Variants in RBFOX1 observed in about 807,000 individuals in gnomAD.
RBFOX1 encodes RNA binding fox-1 homolog 1.
Under a neutral mutation model 57.7 loss-of-function variants are expected in RBFOX1, and 8 were observed. The ratio of observed to expected loss-of-function variants is 0.14; its 90% CI spans 0.08 to 0.25. RBFOX1 has a LOEUF of 0.25. Among genes scored for constraint, RBFOX1 ranks in the 10% least tolerant of loss-of-function variants. The pLI is 1.00. For missense variants in RBFOX1, 611 were observed against 548.5 expected (o/e 1.11, Z -1.14); for synonymous variants, 326 against 222.4 (o/e 1.47, Z -4.15).
At chr16:6,336,099 C>T (rs2083626614) in intron 2 of RBFOX1, among the ~76,000 whole-genome samples, 1 of 124,834 alleles carries the variant, frequency 8.0e-6, no homozygotes, top group Non-Finnish European at 1.6e-5. Flanking sequence ...TGGATACTTG[C>T]AAATAAGAAG....
At chr16:7,260,639 G>C (rs2153065628) in intron 4 of RBFOX1, among the ~76,000 whole-genome samples, 1 of 152,254 alleles carries the variant, frequency 6.6e-6, no homozygotes, top group African/African-American at 2.4e-5. Flanking sequence ...GGCACGTTTG[G>C]TGTTATATTC....
At chr16:5,348,661 T>C (rs1012034178) in intron 1 of RBFOX1, among the ~76,000 whole-genome samples, 1 of 152,184 alleles carries the variant, frequency 6.6e-6, no homozygotes, top group Non-Finnish European at 1.5e-5. Flanking sequence ...TTTATATAAA[T>C]AGTAGGCTCT....
intron 4 of RBFOX1, among the ~76,000 whole-genome samples, chr16:7,195,482 C>G (rs2086471576): frequency 6.6e-6 from 1 of 152,166 alleles, no homozygotes; most frequent in Non-Finnish European, 1.5e-5. Flanking sequence ...ACAACTGACC[C>G]AACAGCACAG....
chr16:5,470,786 C>T (rs1419443067), intron 2 of RBFOX1, among the ~76,000 whole-genome samples: 1 of 152,112 alleles, frequency 6.6e-6, no homozygotes, highest in African/African-American at 2.4e-5. Flanking sequence ...CCTCCCATTG[C>T]ATCTAGAGGC....
chr16:7,130,432 A>G (rs1214034000), intron 4 of RBFOX1, among the ~76,000 whole-genome samples: 1 of 152,202 alleles, frequency 6.6e-6, no homozygotes, highest in Non-Finnish European at 1.5e-5. Context: ...TACACTTAAC[A>G]CTTTTGTGAA....
intron 1 of RBFOX1, among the ~76,000 whole-genome samples, chr16:5,430,786 G>A (rs2067708976): frequency 6.6e-6 from 1 of 152,214 alleles, no homozygotes; most frequent in African/African-American, 2.4e-5. Context: ...TTTGCAAAAG[G>A]CAAAGTATTT....
intron 4 of RBFOX1, among the ~76,000 whole-genome samples, chr16:7,076,323 C>G (rs1033380442): frequency 6.6e-6 from 1 of 152,100 alleles, no homozygotes; most frequent in East Asian, 1.9e-4. Flanking sequence ...TGAACCACCA[C>G]TCCCGGCCAT....
intron 4 of RBFOX1, among the ~76,000 whole-genome samples, chr16:5,927,839 G>C (rs1039372295): frequency 6.6e-6 from 1 of 152,126 alleles, no homozygotes; most frequent in Non-Finnish European, 1.5e-5. Context: ...AGTGAAATAA[G>C]CTAGGCACAG....
intron 1 of RBFOX1, among the ~76,000 whole-genome samples, chr16:6,127,970 C>G (rs1191816402): frequency 2.0e-5 from 3 of 152,084 alleles, no homozygotes; most frequent in Non-Finnish European, 2.9e-5. Context: ...ATCTGAAAAC[C>G]TCTCCAGTCT....
At chr16:7,156,797 C>G (rs938471105) in intron 4 of RBFOX1, among the ~76,000 whole-genome samples, 1 of 152,116 alleles carries the variant, frequency 6.6e-6, no homozygotes, top group African/African-American at 2.4e-5. Context: ...ATACTTCTAT[C>G]TCTCTGTACT....
intron 4 of RBFOX1, among the ~76,000 whole-genome samples, chr16:7,104,126 G>A (rs1288841429): frequency 2.0e-5 from 3 of 152,128 alleles, no homozygotes; most frequent in Non-Finnish European, 4.4e-5. Context: ...GTACCTATCT[G>A]TATCTGTATG....
At chr16:5,905,881 C>G (rs964151916) in intron 4 of RBFOX1, among the ~76,000 whole-genome samples, 3 of 152,196 alleles carry the variant, frequency 2.0e-5, no homozygotes, top group Admixed American at 1.3e-4. Context: ...CCTAATTTCC[C>G]TCTTTAGAAT....
intron 3 of RBFOX1, among the ~76,000 whole-genome samples, chr16:5,856,183 C>CTATATATATATATATATATATATATA (rs1299997922): frequency 2.2e-5 from 1 of 45,890 alleles, no homozygotes; most frequent in African/African-American, 1.0e-4. Flanking sequence ...CTCTCTCTCT[C>CTATATATATATATATATATATATATA]TCTCTATATA....
At chr16:6,555,502 A>G (rs1322099225) in intron 2 of RBFOX1, among the ~76,000 whole-genome samples, 1 of 152,134 alleles carries the variant, frequency 6.6e-6, no homozygotes, top group Non-Finnish European at 1.5e-5. Flanking sequence ...GATCGAGACC[A>G]TCCTGGCTAA....
At chr16:6,499,612 C>T (rs950919935) in intron 2 of RBFOX1, among the ~76,000 whole-genome samples, 1 of 152,060 alleles carries the variant, frequency 6.6e-6, no homozygotes, top group Non-Finnish European at 1.5e-5. Flanking sequence ...AATGATTCAG[C>T]TTAAAAATCA....
At chr16:6,335,989 T>C (rs1006591753) in intron 2 of RBFOX1, among the ~76,000 whole-genome samples, 9 of 149,862 alleles carry the variant, frequency 6.0e-5, no homozygotes, top group African/African-American at 1.9e-4. Flanking sequence ...AGCCCATTCA[T>C]AGTGGAATCA....
intron 4 of RBFOX1, among the ~76,000 whole-genome samples, chr16:7,161,967 C>G (rs1297788065): frequency 6.6e-6 from 1 of 152,206 alleles, no homozygotes; most frequent in Non-Finnish European, 1.5e-5. Flanking sequence ...CAATGAACCA[C>G]TAAAAACATA....
intron 4 of RBFOX1, among the ~76,000 whole-genome samples, chr16:7,416,716 G>A (rs924789778): frequency 6.7e-6 from 1 of 148,986 alleles, no homozygotes; most frequent in African/African-American, 2.6e-5. Flanking sequence ...AAAGGCAAGC[G>A]ACTTTAGGGA....
At chr16:7,333,952 T>TA (rs1231171800) in intron 4 of RBFOX1, among the ~76,000 whole-genome samples, 1 of 152,166 alleles carries the variant, frequency 6.6e-6, no homozygotes, top group Non-Finnish European at 1.5e-5. Context: ...TTGCAATAAA[T>TA]TCTGTATCTC....
Sources: allele counts gnomAD v4.1 joint callset (sites outside exome capture counted in the v4.1 genomes callset), GRCh38; gene constraint gnomAD v4.1.1; transcripts MANE v1.5; gene names NCBI Gene and HGNC (gene_info 2026-07-23, HGNC 2026-07-21).